Variants in COL25A1 observed in about 807,000 individuals in gnomAD.
COL25A1 encodes the protein collagen alpha-1(XXV) chain.
A neutral mutation model predicts 128.4 loss-of-function variants in COL25A1; 103 were observed. The observed-to-expected ratio is 0.80, with a 90% CI of 0.68 to 0.94. The LOEUF (loss-of-function observed/expected upper bound fraction) is 0.94, where lower values mean the gene tolerates loss of function less well. Ranked by LOEUF, COL25A1 falls within the 40% of genes least tolerant of loss-of-function variation. The pLI, the probability that COL25A1 is intolerant of heterozygous loss-of-function variation, is 0.00. For missense variants in COL25A1, 745 were observed against 840.0 expected, an observed-to-expected ratio of 0.89 and a Z score of 1.40; for synonymous variants, 279 against 277.2, an observed-to-expected ratio of 1.01 and a Z score of -0.06.
chr4:108,894,205 T>C (rs4956220), intron 16 of COL25A1, among the ~76,000 whole-genome samples: 9,066 of 152,252 alleles, frequency 0.06, 362 homozygotes, highest in Non-Finnish European at 0.078. Flanking sequence ...TGTTTTACCA[T>C]TGTAAAATTA....
rs1730779617 is a variant in COL25A1 at position 108,811,401 on chromosome 4, T to C, written c.*2526A>G. 1 of 152,110 alleles carries C rather than the reference T, an allele frequency of 6.6e-6. No homozygotes were observed. The highest frequency in any genetic ancestry group is 2.4e-5 in the African/African-American group (1 of 41,454). The allele number at this position is 152,110 out of a possible 1,614,324, so 9.4% of individuals were successfully genotyped here. Reference sequence around the variant, plus strand: ...TCAATATACACACAGGACAGAATAGTATTCTTTGAAGGGCTGTATTTCAAA... The same window carrying C: ...TCAATATACACACAGGACAGAATAGCATTCTTTGAAGGGCTGTATTTCAAA... On this transcript the variant is annotated 3_prime_UTR_variant, in exon 38 of 38. Coordinates refer to ENST00000399132, the MANE Select transcript of COL25A1 (RefSeq NM_198721.4).
At chr4:109,191,319 T>C (rs1031179087) in intron 3 of COL25A1, among the ~76,000 whole-genome samples, 3 of 152,146 alleles carry the variant, frequency 2.0e-5, no homozygotes, top group African/African-American at 7.2e-5. Flanking sequence ...GGAGGGAATT[T>C]GTGCTATTTG....
At chr4:109,038,908 T>A (rs1759604079) in intron 5 of COL25A1, among the ~76,000 whole-genome samples, 1 of 152,168 alleles carries the variant, frequency 6.6e-6, no homozygotes, top group Non-Finnish European at 1.5e-5. Context: ...GTTTCTCAGA[T>A]GAAGCCCTCA....
intron 11 of COL25A1, among the ~76,000 whole-genome samples, chr4:108,926,316 G>A (rs1002788796): frequency 6.6e-6 from 1 of 152,100 alleles, no homozygotes; most frequent in African/African-American, 2.4e-5. Context: ...AGCTCTGAGA[G>A]CTGCTGGTCA....
At position 108,965,235 on chromosome 4, in the gene COL25A1, T is replaced by C. The variant is rs184096721; in HGVS notation, c.492+9132A>G. Reference sequence around the variant, plus strand: ...CGAATACACTAGGAGGAGAAAGGAATTTTATGAAAATGTGAAGCAGAGCTT... The same window carrying C: ...CGAATACACTAGGAGGAGAAAGGAACTTTATGAAAATGTGAAGCAGAGCTT... On this transcript the variant is annotated intron_variant, in intron 8 of 37. Transcript: ENST00000399132. Among the ~76,000 whole-genome samples the C allele has an allele frequency of 7.2e-5, 11 of 152,312 alleles. No homozygotes were observed. The East Asian group carries it at 2.1e-3, about 29-fold the overall frequency.
intron 19 of COL25A1, among the ~76,000 whole-genome samples, chr4:108,881,273 G>T (rs1452686): frequency 0.55 from 84,284 of 151,882 alleles, 24,641 homozygotes; most frequent in East Asian, 1. Context: ...TTAGGCACTT[G>T]GCTCATTTCC....
intron 3 of COL25A1, among the ~76,000 whole-genome samples, chr4:109,221,321 A>G (rs1778394585): frequency 6.6e-6 from 1 of 152,290 alleles, no homozygotes; most frequent in Non-Finnish European, 1.5e-5. Flanking sequence ...TTTAAATCAG[A>G]GTAGAATGAA....
intron 3 of COL25A1, among the ~76,000 whole-genome samples, chr4:109,170,049 A>G (rs1773444451): frequency 6.6e-6 from 1 of 152,174 alleles, no homozygotes. Context: ...GTTTCTAGCT[A>G]TGAACATTGG....
intron 19 of COL25A1, among the ~76,000 whole-genome samples, chr4:108,872,203 G>T (rs1045655294): frequency 1.2e-4 from 18 of 152,072 alleles, no homozygotes; most frequent in African/African-American, 4.3e-4. Context: ...ATTACTTGAG[G>T]TCAGGAGTTT....
chr4:108,838,410 T>G (rs1447210496), intron 31 of COL25A1, among the ~76,000 whole-genome samples: 1 of 152,178 alleles, frequency 6.6e-6, no homozygotes, highest in Non-Finnish European at 1.5e-5. Context: ...CTCCTTACAA[T>G]AAAAATATGT....
intron 24 of COL25A1, among the ~76,000 whole-genome samples, chr4:108,853,876 G>A (rs1003881940): frequency 6.6e-5 from 10 of 152,012 alleles, no homozygotes; most frequent in African/African-American, 1.7e-4. Flanking sequence ...ATAGTATTCC[G>A]TGGTGTATAT....
rs1749971571 is a variant in COL25A1, at chr4:108,955,515, T to A, written c.493-14078A>T. On this transcript the variant is annotated intron_variant, in intron 8 of 37. Transcript: ENST00000399132. Reference sequence around the variant, plus strand: ...GACTTCCCTTCCCCTCTCCTATTCTTTGTAGGATTTCCTTCTTTATGAATA... The same window carrying A: ...GACTTCCCTTCCCCTCTCCTATTCTATGTAGGATTTCCTTCTTTATGAATA... Among the ~76,000 whole-genome samples, 3 of 152,094 alleles carry A rather than the reference T, an allele frequency of 2.0e-5. 1 individual carries two copies. The South Asian group carries it at 6.2e-4, about 32-fold the overall frequency.
chr4:109,023,920 C>T (rs1408142951), intron 5 of COL25A1, among the ~76,000 whole-genome samples: 1 of 152,198 alleles, frequency 6.6e-6, no homozygotes, highest in African/African-American at 2.4e-5. Flanking sequence ...AACCCTGTTG[C>T]TGCAAGATGT....
intron 4 of COL25A1, 61 bp from the exon 5 acceptor site, chr4:109,048,236 T>C: frequency 1.3e-6 from 2 of 1,507,038 alleles, no homozygotes; most frequent in Non-Finnish European, 1.8e-6. Context: ...ATGCAAAATA[T>C]TAAAATCAAA....
intron 3 of COL25A1, among the ~76,000 whole-genome samples, chr4:109,057,319 G>A (rs112379888): frequency 9.2e-5 from 14 of 151,458 alleles, no homozygotes; most frequent in African/African-American, 3.1e-4. Flanking sequence ...CCAGGCTGGA[G>A]AGCAGTGGTG....
intron 3 of COL25A1, among the ~76,000 whole-genome samples, chr4:109,138,696 G>T (rs1383201533): frequency 4.7e-5 from 7 of 148,676 alleles, no homozygotes; most frequent in Non-Finnish European, 9.0e-5. Context: ...TTTTGTTTTT[G>T]TTTTTTGTTT....
chr4:109,077,332 T>C (rs569414416), intron 3 of COL25A1, among the ~76,000 whole-genome samples: 12 of 152,242 alleles, frequency 7.9e-5, no homozygotes, highest in Non-Finnish European at 1.5e-5. Flanking sequence ...CTAGGGAACA[T>C]GGGATAAACT....
At chr4:109,010,854 C>G (rs1266262069) in intron 5 of COL25A1, among the ~76,000 whole-genome samples, 1 of 152,174 alleles carries the variant, frequency 6.6e-6, no homozygotes, top group Non-Finnish European at 1.5e-5. Flanking sequence ...CTCTTAACTT[C>G]TCATTATTTC....
chr4:108,933,756 T>C (rs1747049053), intron 11 of COL25A1, among the ~76,000 whole-genome samples: 2 of 152,062 alleles, frequency 1.3e-5, no homozygotes, highest in Non-Finnish European at 2.9e-5. Flanking sequence ...CTACATTTTA[T>C]AGATCAGTAA....
Sources: gnomAD v4.1 joint callset for allele counts (sites outside exome capture counted in the v4.1 genomes callset) on GRCh38, gnomAD v4.1.1 for gene constraint, MANE v1.5 for transcripts, NCBI Gene and HGNC (gene_info 2026-07-23, HGNC 2026-07-21) for gene names.